Variants in TRDN observed in about 807,000 individuals in gnomAD.
The protein encoded by TRDN is triadin in skeletal muscle.
In TRDN, 161 loss-of-function variants were observed where a neutral mutation model predicts 149.7. The ratio of observed to expected loss-of-function variants is 1.08; its 90% CI spans 0.95 to 1.23. The LOEUF is 1.23. Ranked by LOEUF, TRDN falls within the 50% of genes most tolerant of loss-of-function variation. The pLI, the probability that TRDN is intolerant of heterozygous loss-of-function variation, is 0.00. For synonymous variants in TRDN, 294 were observed against 250.5 expected, an observed-to-expected ratio of 1.17 and a Z score of -1.64; for missense variants, 896 against 823.5, an observed-to-expected ratio of 1.09 and a Z score of -1.08.
chr6:123,325,142 C>T (rs889677407), intron 23 of TRDN, among the ~76,000 whole-genome samples: 1 of 151,508 alleles, frequency 6.6e-6, no homozygotes, highest in African/African-American at 2.4e-5. Flanking sequence ...CTAATATATT[C>T]CAATATTGAA....
intron 5 of TRDN, among the ~76,000 whole-genome samples, chr6:123,518,224 C>T (rs1779506801): frequency 1.3e-5 from 2 of 152,080 alleles, no homozygotes; most frequent in South Asian, 4.1e-4. Flanking sequence ...TTTTTTTCCA[C>T]ATTTAATGGT....
chr6:123,513,400 T>G (rs1779266693), intron 6 of TRDN, among the ~76,000 whole-genome samples: 1 of 152,208 alleles, frequency 6.6e-6, no homozygotes, highest in South Asian at 2.1e-4. Context: ...ATACATTTTT[T>G]TCTGCAGCAC....
intron 24 of TRDN, among the ~76,000 whole-genome samples, chr6:123,288,656 A>G (rs866123445): frequency 1.4e-5 from 2 of 144,700 alleles, no homozygotes; most frequent in Non-Finnish European, 3.0e-5. Flanking sequence ...CATGTGGGAA[A>G]TATAAATTAA....
chr6:123,594,929 G>GA (rs35954821), intron 1 of TRDN, among the ~76,000 whole-genome samples: 18 of 148,306 alleles, frequency 1.2e-4, no homozygotes, highest in Admixed American at 4.7e-4. Flanking sequence ...ACAAGCAAGT[G>GA]AAAAAAAAAA....
At chr6:123,598,689 C>T (rs1025352566) in intron 1 of TRDN, among the ~76,000 whole-genome samples, 11 of 152,056 alleles carry the variant, frequency 7.2e-5, no homozygotes, top group African/African-American at 4.8e-5. Context: ...ATTGTCTATG[C>T]GTTCCTCCCA....
chr6:123,468,954 T>C (rs557056556), intron 9 of TRDN: 6 of 152,276 alleles, frequency 3.9e-5, no homozygotes, highest in South Asian at 4.1e-4. Context: ...CAAGTAACCA[T>C]TGAGTTAAAA....
At position 123,366,472 on chromosome 6, in the gene TRDN, T is replaced by G. The variant is rs11967561; in HGVS notation, c.1274-290A>C. Among the ~76,000 whole-genome samples the G allele has an allele frequency of 0.086, 13,108 of 152,206 alleles. 1,755 individuals carry two copies. Among genetic ancestry groups the G allele is most frequent in the African/African-American group, 0.29 (11,893 of 41,466 alleles). Reference sequence around the variant, plus strand: ...TCCATAGACTTTAGATCAATAGTTCTTAAAATTAAGGCCACATTCAATACA... The same window carrying G: ...TCCATAGACTTTAGATCAATAGTTCGTAAAATTAAGGCCACATTCAATACA... On this transcript the variant is annotated intron_variant, in intron 19 of 40. Transcript: ENST00000334268.
chr6:123,483,476 CAAAT>C (rs1777854431), intron 9 of TRDN, among the ~76,000 whole-genome samples: 1 of 151,918 alleles, frequency 6.6e-6, no homozygotes, highest in Non-Finnish European at 1.5e-5. Flanking sequence ...AAAAAATGGC[CAAAT>C]AAATAGGAAA....
At chr6:123,632,747 G>A (rs142651749) in intron 1 of TRDN, among the ~76,000 whole-genome samples, 26 of 152,000 alleles carry the variant, frequency 1.7e-4, no homozygotes, top group Middle Eastern at 3.4e-3. Context: ...GCTTTGATGA[G>A]GTAAATGCAG....
chr6:123,250,064 T>A, intron 38 of TRDN, among the ~76,000 whole-genome samples: 1 of 151,920 alleles, frequency 6.6e-6, no homozygotes, highest in Non-Finnish European at 1.5e-5. Flanking sequence ...ATGAACTAGC[T>A]GAAGAAGAAA....
intron 2 of TRDN, among the ~76,000 whole-genome samples, chr6:123,564,843 T>C (rs1341011011): frequency 6.6e-6 from 1 of 152,216 alleles, no homozygotes; most frequent in Non-Finnish European, 1.5e-5. Context: ...GTATATTTTG[T>C]GGAATGCTTG....
At chr6:123,360,331 G>C (rs2114335094) in intron 20 of TRDN, among the ~76,000 whole-genome samples, 1 of 152,124 alleles carries the variant, frequency 6.6e-6, no homozygotes. Context: ...GAAGTTCAGA[G>C]GATTAATAAT....
intron 1 of TRDN, among the ~76,000 whole-genome samples, chr6:123,627,016 C>T (rs71574832): frequency 0.27 from 41,080 of 151,506 alleles, 5,702 homozygotes; most frequent in East Asian, 0.43. Context: ...GCAGCCTCCA[C>T]CACCCGGGTT....
chr6:123,296,143 A>G (rs1778186130), intron 24 of TRDN, among the ~76,000 whole-genome samples: 1 of 152,072 alleles, frequency 6.6e-6, no homozygotes, highest in South Asian at 2.1e-4. Flanking sequence ...TATTTACTCA[A>G]CTCGTGATAG....
chr6:123,429,090 A>C (rs993153318), intron 12 of TRDN: 1 of 152,154 alleles, frequency 6.6e-6, no homozygotes, highest in Non-Finnish European at 1.5e-5. Context: ...GAGGGAGGAA[A>C]AAAAAAGACA....
At chr6:123,293,618 G>C (rs1261546227) in intron 24 of TRDN, among the ~76,000 whole-genome samples, 1 of 151,988 alleles carries the variant, frequency 6.6e-6, no homozygotes. Flanking sequence ...ATTGGAACAG[G>C]GAAAAAATAT....
At chr6:123,456,319 T>C (rs1776116852) in intron 10 of TRDN, among the ~76,000 whole-genome samples, 1 of 152,218 alleles carries the variant, frequency 6.6e-6, no homozygotes, top group Non-Finnish European at 1.5e-5. Context: ...CAGGCTTATT[T>C]GAACTGATGC....
chr6:123,294,749 C>A (rs2114657452), intron 24 of TRDN, among the ~76,000 whole-genome samples: 1 of 152,098 alleles, frequency 6.6e-6, no homozygotes, highest in African/African-American at 2.4e-5. Context: ...GTTGGGAATC[C>A]CTGTTTTGGG....
In TRDN at chr6:123,533,500, G is replaced by A. The variant is rs1159358471; in HGVS notation, c.425-2935C>T. On this transcript the variant is annotated intron_variant, in intron 4 of 40. Coordinates refer to ENST00000334268, the MANE Select transcript of TRDN (RefSeq NM_006073.4). Reference sequence around the variant, plus strand: ...TGGTGGTTTTGGGGACTAGAAAGACGGTCCTTGTTGATCATAGTAGGGTTT... The same window carrying A: ...TGGTGGTTTTGGGGACTAGAAAGACAGTCCTTGTTGATCATAGTAGGGTTT... Among the ~76,000 whole-genome samples the A allele has an allele frequency of 3.3e-5, 5 of 152,026 alleles. 1 individual carries two copies. The South Asian group carries it at 6.2e-4, about 19-fold the overall frequency.
Sources: gnomAD v4.1 joint callset for allele counts (sites outside exome capture counted in the v4.1 genomes callset) on GRCh38, gnomAD v4.1.1 for gene constraint, MANE v1.5 for transcripts, NCBI Gene and HGNC (gene_info 2026-07-23, HGNC 2026-07-21) for gene names.